Variants in LINGO2 observed in about 807,000 individuals in gnomAD.
LINGO2 encodes leucine rich repeat and Ig domain containing 2.
In LINGO2, 14 loss-of-function variants were observed where a neutral mutation model predicts 30.6. The ratio of observed to expected loss-of-function variants is 0.46; its 90% CI spans 0.30 to 0.72. The LOEUF (loss-of-function observed/expected upper bound fraction) is 0.72, where lower values mean the gene tolerates loss of function less well. LINGO2 is among the 30% of genes least tolerant of loss of function. LINGO2 has a pLI of 0.07. For synonymous variants in LINGO2, 317 were observed against 288.5 expected (o/e 1.10, Z -1.00); for missense variants, 729 against 751.7 (o/e 0.97, Z 0.35).
At chr9:28,512,704 T>G (rs1177346829) in intron 1 of LINGO2, among the ~76,000 whole-genome samples, 2 of 146,978 alleles carry the variant, frequency 1.4e-5, no homozygotes, top group Non-Finnish European at 3.0e-5. Flanking sequence ...TCTCTGGGAA[T>G]TTATTAAGTA....
At chr9:28,656,479 T>C (rs879426236) in intron 1 of LINGO2, among the ~76,000 whole-genome samples, 6 of 152,112 alleles carry the variant, frequency 3.9e-5, no homozygotes, top group Non-Finnish European at 5.9e-5. Flanking sequence ...AATATGACTT[T>C]TGAAATATTT....
chr9:28,769,568 C>T, the LINGO2 span, among the ~76,000 whole-genome samples: 1 of 107,640 alleles, frequency 9.3e-6, no homozygotes, highest in Non-Finnish European at 1.8e-5. Context: ...TCCAGTTTTT[C>T]ATTTGCAAGT....
chr9:28,040,198 T>C (rs1013313085), intron 4 of LINGO2, among the ~76,000 whole-genome samples: 1 of 152,232 alleles, frequency 6.6e-6, no homozygotes, highest in Non-Finnish European at 1.5e-5. Flanking sequence ...ATTGATTCAT[T>C]AGAAGCTAGC....
At chr9:27,938,908 G>A in the LINGO2 span, 1 of 152,148 alleles carries the variant, frequency 6.6e-6, no homozygotes, top group African/African-American at 2.4e-5. Context: ...TTAAAACAAA[G>A]CTAGAGAAAT....
chr9:28,952,897 A>G, the LINGO2 span, among the ~76,000 whole-genome samples: 6 of 152,206 alleles, frequency 3.9e-5, no homozygotes, highest in Non-Finnish European at 7.3e-5. Flanking sequence ...GTGATAAGTT[A>G]CCCATAACTG....
chr9:28,692,247 G>A, the LINGO2 span, among the ~76,000 whole-genome samples: 13 of 152,078 alleles, frequency 8.5e-5, 1 homozygote, highest in Admixed American at 5.9e-4. Flanking sequence ...GGTTGAGGTC[G>A]GCGGATCACC....
intron 4 of LINGO2, among the ~76,000 whole-genome samples, chr9:28,151,349 GAA>G (rs1827995198): frequency 6.6e-6 from 1 of 151,812 alleles, no homozygotes; most frequent in Non-Finnish European, 1.5e-5. Context: ...TAAAAATCTT[GAA>G]TAAGTATGGA....
the LINGO2 span, among the ~76,000 whole-genome samples, chr9:28,903,967 A>C: frequency 6.6e-6 from 1 of 152,124 alleles, no homozygotes; most frequent in African/African-American, 2.4e-5. Context: ...TCAACAAAAT[A>C]CTAGCAAATC....
At chr9:28,447,366 T>C (rs763533521) in intron 2 of LINGO2, among the ~76,000 whole-genome samples, 2 of 152,184 alleles carry the variant, frequency 1.3e-5, no homozygotes, top group Non-Finnish European at 2.9e-5. Flanking sequence ...TTCCACCATG[T>C]GAGGACACAA....
the LINGO2 span, among the ~76,000 whole-genome samples, chr9:28,693,780 G>T: frequency 1.3e-5 from 2 of 152,030 alleles, no homozygotes; most frequent in Non-Finnish European, 2.9e-5. Flanking sequence ...GGTAGGATTT[G>T]TGTCTTCTTT....
intron 2 of LINGO2, among the ~76,000 whole-genome samples, chr9:28,410,785 A>G (rs1378647902): frequency 6.6e-6 from 1 of 152,162 alleles, no homozygotes; most frequent in Non-Finnish European, 1.5e-5. Flanking sequence ...TTACTCTGAC[A>G]TCTTGTAATT....
intron 1 of LINGO2, among the ~76,000 whole-genome samples, chr9:28,511,102 C>T (rs1820366977): frequency 6.6e-6 from 1 of 152,074 alleles, no homozygotes; most frequent in Admixed American, 6.5e-5. Context: ...TGGCAGCACC[C>T]TCACAGATAC....
the LINGO2 span, among the ~76,000 whole-genome samples, chr9:28,995,140 C>T: frequency 6.6e-6 from 1 of 151,978 alleles, no homozygotes; most frequent in Middle Eastern, 3.2e-3. Context: ...GGCTAATATC[C>T]AGAATCTACA....
chr9:28,079,766 T>C (rs1189370791), intron 4 of LINGO2, among the ~76,000 whole-genome samples: 2 of 152,182 alleles, frequency 1.3e-5, no homozygotes, highest in Non-Finnish European at 2.9e-5. Flanking sequence ...AACTTCCAAA[T>C]GCACATCTCC....
chr9:28,814,733 A>G, the LINGO2 span, among the ~76,000 whole-genome samples: 1 of 152,008 alleles, frequency 6.6e-6, no homozygotes, highest in Non-Finnish European at 1.5e-5. Context: ...TAAAAATACA[A>G]CAAAATTAGC....
intron 4 of LINGO2, among the ~76,000 whole-genome samples, chr9:28,091,570 A>T (rs1249506646): frequency 6.6e-6 from 1 of 152,162 alleles, no homozygotes; most frequent in African/African-American, 2.4e-5. Context: ...TTAAAGCTTA[A>T]ATGTTAGACC....
chr9:28,585,683 A>G (rs1824498925), intron 1 of LINGO2, among the ~76,000 whole-genome samples: 1 of 152,054 alleles, frequency 6.6e-6, no homozygotes, highest in African/African-American at 2.4e-5. Flanking sequence ...TACTTACAAT[A>G]TTTTCAGTTT....
the LINGO2 span, among the ~76,000 whole-genome samples, chr9:29,056,541 T>C: frequency 6.6e-6 from 1 of 152,188 alleles, no homozygotes; most frequent in Non-Finnish European, 1.5e-5. Context: ...ACTCTGTGGG[T>C]TGTCTGTTTA....
the LINGO2 span, among the ~76,000 whole-genome samples, chr9:29,041,680 C>G: frequency 6.6e-6 from 1 of 151,972 alleles, no homozygotes; most frequent in Non-Finnish European, 1.5e-5. Flanking sequence ...ACTTAGGTGT[C>G]AAACTAAAAG....
Sources: allele counts gnomAD v4.1 joint callset (sites outside exome capture counted in the v4.1 genomes callset), GRCh38; gene constraint gnomAD v4.1.1; transcripts MANE v1.5; gene names NCBI Gene and HGNC (gene_info 2026-07-23, HGNC 2026-07-21).